SLC4A10: variants seen among roughly 807,000 people sequenced by gnomAD.
SLC4A10 encodes sodium-driven chloride bicarbonate exchanger.
A neutral mutation model predicts 137.7 loss-of-function variants in SLC4A10; 42 were observed. The ratio of observed to expected loss-of-function variants is 0.30; its 90% CI spans 0.24 to 0.39. The LOEUF (loss-of-function observed/expected upper bound fraction) is 0.39, where lower values mean the gene tolerates loss of function less well. Ranked by LOEUF, SLC4A10 falls within the 10% of genes least tolerant of loss-of-function variation. SLC4A10 has a pLI of 1.00. For synonymous variants in SLC4A10, 474 were observed against 464.1 expected, an observed-to-expected ratio of 1.02 and a Z score of -0.27; for missense variants, 925 against 1,355.0, an observed-to-expected ratio of 0.68 and a Z score of 4.98.
At chr2:161,887,329 C>A (rs1241388529) in intron 10 of SLC4A10, among the ~76,000 whole-genome samples, 1 of 151,944 alleles carries the variant, frequency 6.6e-6, no homozygotes, top group African/African-American at 2.4e-5. Context: ...AGGTATATAC[C>A]CAGTAACGGG....
intron 1 of SLC4A10, among the ~76,000 whole-genome samples, chr2:161,668,154 A>G (rs190853072): frequency 6.6e-6 from 1 of 151,974 alleles, no homozygotes; most frequent in East Asian, 1.9e-4. Flanking sequence ...TGATTAAAGT[A>G]TGGAATGTCA....
chr2:161,935,293 T>G (rs1233328710), intron 15 of SLC4A10, among the ~76,000 whole-genome samples: 1 of 152,178 alleles, frequency 6.6e-6, no homozygotes, highest in Non-Finnish European at 1.5e-5. Flanking sequence ...AGCTTTGTGG[T>G]GTATTTTGAA....
intron 15 of SLC4A10, among the ~76,000 whole-genome samples, chr2:161,906,210 G>A (rs1418365094): frequency 1.3e-5 from 2 of 152,102 alleles, no homozygotes; most frequent in Non-Finnish European, 1.5e-5. Context: ...ATGTTATTTG[G>A]CGTTATTTCA....
intron 15 of SLC4A10, 75 bp from the exon 16 acceptor site, chr2:161,942,717 G>A (rs971214279): frequency 9.3e-7 from 1 of 1,080,660 alleles, no homozygotes; most frequent in Non-Finnish European, 1.4e-6. Context: ...AGAAAATGGA[G>A]CCGTTATACA....
intron 1 of SLC4A10, among the ~76,000 whole-genome samples, chr2:161,655,764 C>T (rs367981728): frequency 2.0e-5 from 3 of 151,824 alleles, no homozygotes; most frequent in Admixed American, 6.6e-5. Flanking sequence ...TGATGAAGTA[C>T]ATGCAAAAGC....
At chr2:161,726,592 T>G (rs1289300530) in intron 1 of SLC4A10, among the ~76,000 whole-genome samples, 2 of 152,152 alleles carry the variant, frequency 1.3e-5, no homozygotes, top group Non-Finnish European at 2.9e-5. Flanking sequence ...TGACACAACC[T>G]GAAAAGGCAC....
intron 15 of SLC4A10, among the ~76,000 whole-genome samples, chr2:161,909,918 A>G (rs1036009634): frequency 6.6e-6 from 1 of 152,112 alleles, no homozygotes; most frequent in Non-Finnish European, 1.5e-5. Flanking sequence ...AATCAGTGTC[A>G]TTTATAACAA....
rs540164209 is a variant in SLC4A10 at position 161,706,811 on chromosome 2, C to T, written c.49-64162C>T. On this transcript the variant is annotated intron_variant, in intron 1 of 26. Coordinates refer to ENST00000446997, the MANE Select transcript of SLC4A10 (RefSeq NM_001178015.2). The stretch of plus-strand genomic sequence containing the variant: ...ATCAGAATCTTCTGTTTTAACAGTA[C>T]TTCCCTAAGGAAATCTTTTCTGATC... Among the ~76,000 whole-genome samples the T allele has an allele frequency of 1.1e-3, 170 of 151,710 alleles. 2 individuals are homozygous for T. In the South Asian group the frequency reaches 0.02, roughly 18 times the overall value.
intron 2 of SLC4A10, among the ~76,000 whole-genome samples, chr2:161,788,125 T>C (rs1322779200): frequency 6.6e-6 from 1 of 152,016 alleles, no homozygotes; most frequent in African/African-American, 2.4e-5. Context: ...ATGTTGTATG[T>C]GATTGTTTGG....
intron 15 of SLC4A10, among the ~76,000 whole-genome samples, chr2:161,928,659 A>C (rs896606885): frequency 1.3e-5 from 2 of 150,576 alleles, no homozygotes; most frequent in African/African-American, 4.8e-5. Flanking sequence ...CAAAAAAAAA[A>C]AAAAAAAAAG....
At chr2:161,820,463 A>G (rs145665816) in intron 3 of SLC4A10, among the ~76,000 whole-genome samples, 1 of 152,328 alleles carries the variant, frequency 6.6e-6, no homozygotes, top group East Asian at 1.9e-4. Flanking sequence ...ATTACCAGTC[A>G]TTAGGTTTTC....
At chr2:161,894,472 A>T (rs2063238533) in intron 10 of SLC4A10, among the ~76,000 whole-genome samples, 1 of 151,908 alleles carries the variant, frequency 6.6e-6, no homozygotes, top group African/African-American at 2.4e-5. Flanking sequence ...TTCAACATTC[A>T]TCTGACATCA....
chr2:161,843,810 A>T (rs1022622364), intron 4 of SLC4A10, among the ~76,000 whole-genome samples: 2 of 152,146 alleles, frequency 1.3e-5, no homozygotes, highest in Non-Finnish European at 2.9e-5. Context: ...CAGCAGAAAC[A>T]AAAAGATATT....
intron 1 of SLC4A10, among the ~76,000 whole-genome samples, chr2:161,681,925 T>G (rs1203683828): frequency 6.6e-6 from 1 of 152,140 alleles, no homozygotes; most frequent in Non-Finnish European, 1.5e-5. Flanking sequence ...AGCTGATATT[T>G]CTATTTTTGT....
intron 1 of SLC4A10, among the ~76,000 whole-genome samples, chr2:161,660,495 A>G (rs559704863): frequency 1.3e-5 from 2 of 152,328 alleles, no homozygotes; most frequent in Non-Finnish European, 2.9e-5. Context: ...AAAAAATCAT[A>G]TATCCTTTTG....
At chr2:161,832,237 T>A (rs2058478816) in intron 3 of SLC4A10, among the ~76,000 whole-genome samples, 1 of 152,168 alleles carries the variant, frequency 6.6e-6, no homozygotes, top group Non-Finnish European at 1.5e-5. Flanking sequence ...ATGATGATAC[T>A]CTAGGTACTA....
At chr2:161,901,813 C>T (rs1683174761) in intron 12 of SLC4A10, among the ~76,000 whole-genome samples, 1 of 152,046 alleles carries the variant, frequency 6.6e-6, no homozygotes, top group African/African-American at 2.4e-5. Flanking sequence ...TAATGTCTTC[C>T]TCAGGCTTGA....
intron 15 of SLC4A10, among the ~76,000 whole-genome samples, chr2:161,914,005 G>A (rs1686506755): frequency 6.6e-6 from 1 of 152,118 alleles, no homozygotes; most frequent in Admixed American, 6.6e-5. Flanking sequence ...TATAGCATTA[G>A]TCATGCTAAA....
chr2:161,853,037 A>G (rs191995181), intron 4 of SLC4A10, among the ~76,000 whole-genome samples: 21 of 152,322 alleles, frequency 1.4e-4, no homozygotes, highest in African/African-American at 4.6e-4. Flanking sequence ...TGATATTGAA[A>G]TCATAATGTG....
Sources: gnomAD v4.1 joint callset for allele counts (sites outside exome capture counted in the v4.1 genomes callset) on GRCh38, gnomAD v4.1.1 for gene constraint, MANE v1.5 for transcripts, NCBI Gene and HGNC (gene_info 2026-07-23, HGNC 2026-07-21) for gene names.